The following JAK1 variants were observed in gnomAD, a reference collection of about 807,000 sequenced individuals.
JAK1 encodes the protein Janus kinase 1.
A neutral mutation model predicts 136.6 loss-of-function variants in JAK1; 16 were observed. The observed-to-expected ratio is 0.12, with a 90% confidence interval of 0.08 to 0.18. The LOEUF is 0.18. JAK1 is among the 10% of genes least tolerant of loss of function. The pLI is 1.00. For synonymous variants in JAK1, 492 were observed against 519.5 expected (o/e 0.95, Z 0.72); for missense variants, 859 against 1,450.1 (o/e 0.59, Z 6.62).
intron 10 of JAK1, among the ~76,000 whole-genome samples, chr1:64,855,934 T>C (rs567956411): frequency 6.6e-6 from 1 of 152,352 alleles, no homozygotes; most frequent in African/African-American, 2.4e-5. Flanking sequence ...GAGTTAATAC[T>C]ACAGCAGACA....
intron 1 of JAK1, among the ~76,000 whole-genome samples, chr1:64,964,639 TCA>T (rs1192525420): frequency 6.6e-6 from 1 of 152,212 alleles, no homozygotes; most frequent in East Asian, 1.9e-4. Flanking sequence ...GTGTGGAGTA[TCA>T]CACTGCAATC....
chr1:64,977,610 T>C (rs1646507847), intron 2 of JAK1, among the ~76,000 whole-genome samples: 1 of 152,026 alleles, frequency 6.6e-6, no homozygotes, highest in Admixed American at 6.6e-5. Context: ...TTTTGTGTTT[T>C]TAATAGAGAC....
At chr1:64,966,064 A>G (rs1475368171) in intron 1 of JAK1, among the ~76,000 whole-genome samples, 1 of 151,498 alleles carries the variant, frequency 6.6e-6, no homozygotes, top group African/African-American at 2.4e-5. Context: ...GCGCTGGGGG[A>G]GGGGGCGGCC....
In JAK1 at chr1:64,860,152, G is replaced by T. The variant is rs923803399; in HGVS notation, c.1287C>A (p.Pro429=). Residue 429 remains proline (P), a synonymous_variant, in exon 9 of 25, where the codon CCC becomes CCA. Coordinates refer to ENST00000342505, the MANE Select transcript of JAK1 (RefSeq NM_002227.4). The stretch of plus-strand genomic sequence containing the variant: ...TCTGTATGTTGTGGACGATCAACGG[G>T]GGGGCCACGTCGGTGCAGAGGTAAT... ...AHHYLCTDVA[P]PLIVHNIQNG... is the part of the protein sequence containing the mutation. The T allele has an allele frequency of 3.7e-6, 6 of 1,603,518 alleles. No individual in the cohort carries two copies. Among genetic ancestry groups the T allele is most frequent in the Non-Finnish European group, 5.1e-6 (6 of 1,172,746 alleles).
intron 2 of JAK1, among the ~76,000 whole-genome samples, chr1:64,982,419 ATCCATAT>A (rs1377370173): frequency 6.6e-6 from 1 of 152,176 alleles, no homozygotes; most frequent in African/African-American, 2.4e-5. Flanking sequence ...TGGCACCACC[ATCCATAT>A]TCTTTGAAGC....
intron 2 of JAK1, among the ~76,000 whole-genome samples, chr1:65,012,373 G>T (rs1205270274): frequency 6.6e-6 from 1 of 152,130 alleles, no homozygotes; most frequent in African/African-American, 2.4e-5. Flanking sequence ...CAGTCCAGGA[G>T]CCAGCCTAGG....
At chr1:65,053,747 G>A (rs537379354) in intron 1 of JAK1, among the ~76,000 whole-genome samples, 1 of 152,300 alleles carries the variant, frequency 6.6e-6, no homozygotes, top group African/African-American at 2.4e-5. Context: ...CAGCTAATCA[G>A]GAGGCTGAGG....
chr1:65,009,397 T>C (rs1372219847), intron 2 of JAK1, among the ~76,000 whole-genome samples: 1 of 151,868 alleles, frequency 6.6e-6, no homozygotes, highest in African/African-American at 2.4e-5. Flanking sequence ...CAGGTGGGGG[T>C]GGAGGTAAAG....
rs59951347 is a variant in JAK1, at chr1:64,958,434, C to A, written c.-78+7899G>T. 5.7e-3 allele frequency among the ~76,000 whole-genome samples: 862 copies of A among 152,302 alleles called. 5 individuals carry two copies. The highest frequency in any genetic ancestry group is 0.018 in the African/African-American group (742 of 41,560). ...CTTAAGTTTTACAGAATGGTTTTAA[C>A]TGAACAAAATCAGTCAGAATATTAA... On this transcript the variant is annotated intron_variant, in intron 1 of 24. Transcript: ENST00000342505.
At chr1:64,842,525 T>C (rs1379282893) in intron 17 of JAK1, among the ~76,000 whole-genome samples, 5 of 152,106 alleles carry the variant, frequency 3.3e-5, no homozygotes, top group African/African-American at 1.2e-4. Flanking sequence ...GAGCTGAGAA[T>C]TGCTCTTGTC....
At chr1:64,839,307 C>G (rs1159957737) in intron 20 of JAK1, among the ~76,000 whole-genome samples, 3 of 152,084 alleles carry the variant, frequency 2.0e-5, no homozygotes, top group Non-Finnish European at 4.4e-5. Flanking sequence ...TGGATCAGAA[C>G]AGGAAGTGGG....
At chr1:65,051,371 G>A (rs967305082) in intron 1 of JAK1, among the ~76,000 whole-genome samples, 2 of 152,006 alleles carry the variant, frequency 1.3e-5, no homozygotes, top group Non-Finnish European at 2.9e-5. Context: ...ATAAATCTGG[G>A]AATTTCTGCC....
Position 64,869,396 on chromosome 1 carries a change from C to A in JAK1, c.562G>T (p.Glu188Ter), listed in dbSNP as rs2101131661. 6.2e-7 allele frequency: 1 copy of A among 1,613,932 alleles called. No homozygotes were observed. The highest frequency in any genetic ancestry group is 8.5e-7 in the Non-Finnish European group (1 of 1,179,852). The change falls in exon 6 of 25, where the codon GAG (glutamate) becomes TAG (stop). Residue 188 changes from glutamate to a stop codon, truncating the protein, a stop_gained. Coordinates refer to ENST00000342505, the MANE Select transcript of JAK1 (RefSeq NM_002227.4). LOFTEE classifies it high-confidence loss of function. ...GCCAGGACAGCCATCCCTAGACACT[C>A]GTTCTCAATATCATGTCCATCCTGC... ...TEQDGHDIENECLGMAVLAIS... is the reference protein window; with the variant it reads ...TEQDGHDIEN
At chr1:64,904,592 G>A (rs1226551971) in intron 1 of JAK1, among the ~76,000 whole-genome samples, 1 of 152,128 alleles carries the variant, frequency 6.6e-6, no homozygotes, top group Non-Finnish European at 1.5e-5. Flanking sequence ...CGGATCAGAT[G>A]TTCTCTATGC....
At chr1:64,892,201 G>A (rs1257065850) in intron 1 of JAK1, among the ~76,000 whole-genome samples, 2 of 152,060 alleles carry the variant, frequency 1.3e-5, no homozygotes, top group African/African-American at 2.4e-5. Context: ...CTTACCCCAG[G>A]GTCAAAGACT....
intron 1 of JAK1, 59 bp downstream of exon 1, chr1:64,966,274 G>A: frequency 6.6e-6 from 1 of 152,280 alleles, no homozygotes; most frequent in Non-Finnish European, 1.5e-5. Flanking sequence ...CGGGCTGCGC[G>A]CCCCTCGCCT....
intron 2 of JAK1, among the ~76,000 whole-genome samples, chr1:65,037,664 A>T (rs1017854408): frequency 6.6e-6 from 1 of 152,138 alleles, no homozygotes; most frequent in Non-Finnish European, 1.5e-5. Flanking sequence ...GGAGCTGGAG[A>T]CCAGCCTGCA....
At chr1:65,064,191 T>C (rs1647942100) in intron 1 of JAK1, among the ~76,000 whole-genome samples, 1 of 152,210 alleles carries the variant, frequency 6.6e-6, no homozygotes, top group African/African-American at 2.4e-5. Flanking sequence ...TTTCCAAATA[T>C]AAATAAGCTT....
chr1:65,010,499 C>T lies in JAK1; in HGVS notation c.-78+33981G>A, dbSNP rs558512818. Among the ~76,000 whole-genome samples the T allele has an allele frequency of 6.0e-4, 92 of 152,318 alleles. 2 individuals carry two copies. Among genetic ancestry groups the T allele is most frequent in the Middle Eastern group, 3.4e-3 (1 of 294 alleles). The stretch of plus-strand genomic sequence containing the variant: ...TGGGTGAGCTTGGAAGTTGATCCTC[C>T]GGCCTCAGTCATGCCTTCTGATGAC... On this transcript the variant is annotated intron_variant, in intron 2 of 25. Coordinates refer to the JAK1 transcript ENST00000671954.
Sources: allele counts gnomAD v4.1 joint callset (sites outside exome capture counted in the v4.1 genomes callset), GRCh38; gene constraint gnomAD v4.1.1; transcripts MANE v1.5; gene names NCBI Gene and HGNC (gene_info 2026-07-23, HGNC 2026-07-21).